Variants in CNKSR3 observed in about 807,000 individuals in gnomAD.
The protein encoded by CNKSR3 is CNKSR family member 3.
CNKSR3 carries 36 observed loss-of-function variants against 67.7 expected under a neutral mutation model. That is an observed-to-expected ratio of 0.53 (90% CI 0.41 to 0.70). The LOEUF is 0.70. Ranked by LOEUF, CNKSR3 falls within the 30% of genes least tolerant of loss-of-function variation. CNKSR3 has a pLI of 0.00. For synonymous variants in CNKSR3, 281 were observed against 271.4 expected, an observed-to-expected ratio of 1.04 and a Z score of -0.35; for missense variants, 630 against 695.2, an observed-to-expected ratio of 0.91 and a Z score of 1.05.
In CNKSR3 at chr6:154,442,271, T is replaced by A; in HGVS notation, c.236A>T (p.Asp79Val). ...TTTCAGAACCAAGTTCTTCATGTTA[T>A]CAGTTTCGAGGCCATAATTCTGTGG... ...LCALNYGLET[D>V]NMKNLVLKLR... is the part of the protein sequence containing the mutation. The change falls in exon 3 of 13, where the codon GAT becomes GTT. Residue 79 changes from aspartate to valine, a missense_variant. Coordinates refer to ENST00000607772, the MANE Select transcript of CNKSR3 (RefSeq NM_173515.4). 2 of 1,613,810 alleles carry A rather than the reference T, an allele frequency of 1.2e-6. No homozygotes were observed. The highest frequency in any genetic ancestry group is 1.7e-6 in the Non-Finnish European group (2 of 1,179,682).
chr6:154,454,519 T>C (rs938834079), intron 1 of CNKSR3, among the ~76,000 whole-genome samples: 2 of 151,950 alleles, frequency 1.3e-5, no homozygotes, highest in African/African-American at 4.8e-5. Context: ...AGACCCCATC[T>C]CTATTAACAG....
At chr6:154,492,671 A>T (rs1786802608) in intron 1 of CNKSR3, among the ~76,000 whole-genome samples, 1 of 150,850 alleles carries the variant, frequency 6.6e-6, no homozygotes, top group African/African-American at 2.4e-5. Context: ...TCTTGAACCC[A>T]GGAGACGGAG....
At chr6:154,455,598 T>G (rs185023241) in intron 1 of CNKSR3, among the ~76,000 whole-genome samples, 2 of 152,244 alleles carry the variant, frequency 1.3e-5, no homozygotes, top group African/African-American at 4.8e-5. Context: ...ATTTTTGTAT[T>G]TTTAGTAGAG....
Position 154,390,489 on chromosome 6 carries a change from C to G in CNKSR3, c.*15865G>C, listed in dbSNP as rs1230484729. Reference sequence around the variant, plus strand: ...TGGAAAAATTCTCACTATTAGGAGACAGGAAATGGGAGGCTCCCAGAGGAT... The same window carrying G: ...TGGAAAAATTCTCACTATTAGGAGAGAGGAAATGGGAGGCTCCCAGAGGAT... On this transcript the variant is annotated 3_prime_UTR_variant, in exon 13 of 13. Transcript: ENST00000607772. 3 of 152,178 alleles carry G rather than the reference C, an allele frequency of 2.0e-5. No individual in the cohort carries two copies. Among genetic ancestry groups the G allele is most frequent in the Admixed American group, 6.5e-5 (1 of 15,270 alleles). 9.4% of individuals were successfully genotyped at this position (152,178 alleles called of 1,614,324 possible).
chr6:154,490,752 T>C (rs1192236825), intron 1 of CNKSR3, among the ~76,000 whole-genome samples: 1 of 152,220 alleles, frequency 6.6e-6, no homozygotes, highest in Non-Finnish European at 1.5e-5. Context: ...CAAAATGCCA[T>C]GCTGTCTCTT....
At chr6:154,502,358 A>ATTTT (rs541089259) in intron 1 of CNKSR3, among the ~76,000 whole-genome samples, 1 of 141,300 alleles carries the variant, frequency 7.1e-6, no homozygotes, top group Non-Finnish European at 1.6e-5. Flanking sequence ...TGCCCAGCTA[A>ATTTT]TTTTTTTTTT....
At chr6:154,452,784 G>A (rs1785865748) in intron 1 of CNKSR3, among the ~76,000 whole-genome samples, 1 of 152,112 alleles carries the variant, frequency 6.6e-6, no homozygotes, top group Admixed American at 6.5e-5. Context: ...AGGAGATAAC[G>A]ACACAGACAC....
chr6:154,501,882 G>A (rs10872708), intron 1 of CNKSR3, among the ~76,000 whole-genome samples: 13,380 of 152,152 alleles, frequency 0.088, 812 homozygotes, highest in East Asian at 0.17. Flanking sequence ...GGGGGAAAGC[G>A]TCCAAGGAAA....
rs1346717114 is a variant in CNKSR3, at chr6:154,395,355, T to G, written c.*10999A>C. 1 of 152,212 alleles carries G rather than the reference T, an allele frequency of 6.6e-6. No individual in the cohort carries two copies. Among genetic ancestry groups the G allele is most frequent in the Middle Eastern group, 3.2e-3 (1 of 316 alleles). 9.4% of individuals were successfully genotyped at this position (152,212 alleles called of 1,614,324 possible). ...GGTAACAGTCATCATCATCATCCAT[T>G]GCTGTTTACAAAGGAGACTCTGTAT... On this transcript the variant is annotated 3_prime_UTR_variant, in exon 13 of 13. Coordinates refer to ENST00000607772, the MANE Select transcript of CNKSR3 (RefSeq NM_173515.4).
Position 154,389,999 on chromosome 6 carries a change from T to A in CNKSR3, c.*16355A>T, listed in dbSNP as rs1466924736. On this transcript the variant is annotated 3_prime_UTR_variant, in exon 13 of 13. Transcript: ENST00000607772. Reference sequence around the variant, plus strand: ...AATAAACAAACTCAAGTATGCAGAGTTAAGTTAATCATAATCTTTGATTCA... The same window carrying A: ...AATAAACAAACTCAAGTATGCAGAGATAAGTTAATCATAATCTTTGATTCA... 1 of 152,188 alleles carries A rather than the reference T, an allele frequency of 6.6e-6. No homozygotes were observed. Among genetic ancestry groups the A allele is most frequent in the Admixed American group, 6.5e-5 (1 of 15,276 alleles). 9.4% of individuals were successfully genotyped at this position (152,188 alleles called of 1,614,324 possible).
Position 154,401,640 on chromosome 6 carries a change from A to T in CNKSR3, c.*4714T>A, listed in dbSNP as rs927731505. 1.3e-5 allele frequency: 2 copies of T among 152,256 alleles called. No homozygotes were observed. The highest frequency in any genetic ancestry group is 6.5e-5 in the Admixed American group (1 of 15,284). The allele number at this position is 152,256 out of a possible 1,614,324, so 9.4% of individuals were successfully genotyped here. A position where few individuals can be genotyped will look rare whatever the true frequency, so the allele number is the denominator to read the frequency against. ...CTTTTAAGATGTCCATCTTCCACAG[A>T]ATCTCCAAGGAAGTAGCTTGCAGTA... On this transcript the variant is annotated 3_prime_UTR_variant, in exon 13 of 13. Coordinates refer to ENST00000607772, the MANE Select transcript of CNKSR3 (RefSeq NM_173515.4).
In CNKSR3 at chr6:154,454,082, A is replaced by AACACACACACACACACACACACACAC. The variant is rs368097129; in HGVS notation, c.53-3825_53-3824insGTGTGTGTGTGTGTGTGTGTGTGTGT. On this transcript the variant is annotated intron_variant, in intron 1 of 12. Coordinates refer to ENST00000607772, the MANE Select transcript of CNKSR3 (RefSeq NM_173515.4). ...AAGGAAATCCCAAATGCAAGATGAA[A>AACACACACACACACACACACACACAC]ACACACACACACACACACACACAGA... Among the ~76,000 whole-genome samples the AACACACACACACACACACACACACAC allele has an allele frequency of 8.9e-5, 7 of 78,274 alleles. 1 individual carries two copies. The highest frequency in any genetic ancestry group is 3.9e-4 in the African/African-American group (7 of 17,930). The allele number at this position is 78,274 out of a possible 152,430, so 51.4% of individuals were successfully genotyped here. A position where few individuals can be genotyped will look rare whatever the true frequency, so the allele number is the denominator to read the frequency against.
intron 1 of CNKSR3, among the ~76,000 whole-genome samples, chr6:154,503,144 CAA>C (rs1787031896): frequency 6.6e-6 from 1 of 152,048 alleles, no homozygotes; most frequent in African/African-American, 2.4e-5. Context: ...AAATCTCCAC[CAA>C]AAGTCAGTTA....
intron 10 of CNKSR3, among the ~76,000 whole-genome samples, chr6:154,411,750 C>T (rs1784917842): frequency 6.6e-6 from 1 of 151,626 alleles, no homozygotes; most frequent in African/African-American, 2.4e-5. Flanking sequence ...AGCTGAATAT[C>T]CTATTTACTA....
chr6:154,491,982 G>A (rs1786791728), intron 1 of CNKSR3, among the ~76,000 whole-genome samples: 1 of 152,128 alleles, frequency 6.6e-6, no homozygotes, highest in African/African-American at 2.4e-5. Flanking sequence ...TTAGGACATC[G>A]ATTCCTCTCC....
chr6:154,448,648 G>A (rs923795149), intron 2 of CNKSR3, among the ~76,000 whole-genome samples: 4 of 152,046 alleles, frequency 2.6e-5, no homozygotes, highest in Admixed American at 1.3e-4. Flanking sequence ...TCCCAGACCC[G>A]TGCTCAGACT....
Position 154,510,451 on chromosome 6 carries a change from T to C in CNKSR3, c.-337A>G. 5.8e-6 allele frequency: 2 copies of C among 343,620 alleles called. No homozygotes were observed. Among genetic ancestry groups the C allele is most frequent in the South Asian group, 4.1e-5 (1 of 24,506 alleles). The allele number at this position is 343,620 out of a possible 1,614,324, so 21.3% of individuals were successfully genotyped here. On this transcript the variant is annotated 5_prime_UTR_variant, in exon 1 of 13. Coordinates refer to ENST00000607772, the MANE Select transcript of CNKSR3 (RefSeq NM_173515.4). ...CTGGCCTCGGCTCGGCACGGGAGCC[T>C]CCCGGCCCGCGACCACTTCCTCGGA...
chr6:154,432,366 A>ATTCTTGTTTTTTGTATATTTTG, intron 5 of CNKSR3, among the ~76,000 whole-genome samples: 1 of 151,968 alleles, frequency 6.6e-6, no homozygotes, highest in Non-Finnish European at 1.5e-5. Context: ...TTGTCTTCTT[A>ATTCTTGTTTTTTGTATATTTTG]TTCTTGTTTT....
chr6:154,417,085 A>C (rs1437706746), intron 9 of CNKSR3, among the ~76,000 whole-genome samples: 1 of 152,166 alleles, frequency 6.6e-6, no homozygotes, highest in African/African-American at 2.4e-5. Context: ...TATTGCCTCA[A>C]ACTCAATTAT....
Sources: gnomAD v4.1 joint callset for allele counts (sites outside exome capture counted in the v4.1 genomes callset) on GRCh38, gnomAD v4.1.1 for gene constraint, MANE v1.5 for transcripts, NCBI Gene and HGNC (gene_info 2026-07-23, HGNC 2026-07-21) for gene names.